Variants in DHRS7B observed in about 807,000 individuals in gnomAD.
DHRS7B encodes peroxisomal reductase activating PPAR-gamma.
Under a neutral mutation model 26.4 loss-of-function variants are expected in DHRS7B, and 24 were observed. The ratio of observed to expected loss-of-function variants is 0.91; its 90% CI spans 0.66 to 1.28. The LOEUF is 1.28. DHRS7B is among the 50% of genes most tolerant of loss of function. The pLI, the probability that DHRS7B is intolerant of heterozygous loss-of-function variation, is 0.00. For missense variants in DHRS7B, 368 were observed against 419.4 expected (o/e 0.88, Z 1.07); for synonymous variants, 142 against 166.4 (o/e 0.85, Z 1.13).
chr17:21,187,135 T>C (rs545453316), intron 5 of DHRS7B, among the ~76,000 whole-genome samples: 21 of 147,368 alleles, frequency 1.4e-4, no homozygotes, highest in African/African-American at 4.9e-4. Context: ...ATGTGTAAAA[T>C]CACATGAATA....
At chr17:21,148,181 C>T (rs977378542) in intron 1 of DHRS7B, among the ~76,000 whole-genome samples, 1 of 151,984 alleles carries the variant, frequency 6.6e-6, no homozygotes, top group African/African-American at 2.4e-5. Flanking sequence ...TCCCAAAACA[C>T]TGGGATTACA....
chr17:21,155,762 G>A (rs1973866158), intron 1 of DHRS7B, among the ~76,000 whole-genome samples: 1 of 152,178 alleles, frequency 6.6e-6, no homozygotes. Context: ...GAAATACATT[G>A]TCTGCTTCCA....
intron 1 of DHRS7B, among the ~76,000 whole-genome samples, chr17:21,163,382 T>C (rs1003082513): frequency 2.3e-4 from 35 of 152,116 alleles, no homozygotes; most frequent in Non-Finnish European, 2.9e-5. Flanking sequence ...GTGAATTGAG[T>C]TCCCTTTAAA....
Position 21,163,895 on chromosome 17 carries a change from C to T in DHRS7B, c.21-8123C>T, listed in dbSNP as rs143856043. Among the ~76,000 whole-genome samples, 351 of 152,108 alleles carry T rather than the reference C, an allele frequency of 2.3e-3. 1 individual carries two copies. The highest frequency in any genetic ancestry group is 0.014 in the Middle Eastern group (4 of 294). ...GTAGAGACGGGGTTTTACCATGTTG[C>T]CCAGGCCAGTCTCAAGCTCCTGAGC... is the stretch of plus-strand genomic sequence containing the variant. On this transcript the variant is annotated intron_variant, in intron 1 of 6. Coordinates refer to ENST00000395511, the MANE Select transcript of DHRS7B (RefSeq NM_015510.5).
chr17:21,131,833 A>T (rs1369996483), intron 1 of DHRS7B, among the ~76,000 whole-genome samples: 1 of 152,240 alleles, frequency 6.6e-6, no homozygotes, highest in Non-Finnish European at 1.5e-5. Context: ...TTTCCAGTTT[A>T]TATGAGCAGC....
At chr17:21,140,527 C>CAG (rs1973478995) in intron 1 of DHRS7B, among the ~76,000 whole-genome samples, 1 of 150,658 alleles carries the variant, frequency 6.6e-6, no homozygotes, top group African/African-American at 2.4e-5. Flanking sequence ...CACACACACA[C>CAG]ACACACACAC....
intron 1 of DHRS7B, among the ~76,000 whole-genome samples, chr17:21,159,582 G>A (rs552435326): frequency 5.9e-4 from 90 of 152,080 alleles, no homozygotes; most frequent in African/African-American, 2.0e-3. Flanking sequence ...CATTTTAAAG[G>A]ACTGTTATCA....
At chr17:21,132,279 T>C (rs1211701201) in intron 1 of DHRS7B, among the ~76,000 whole-genome samples, 2 of 150,910 alleles carry the variant, frequency 1.3e-5, no homozygotes, top group Non-Finnish European at 2.9e-5. Flanking sequence ...GGCAGGAGGA[T>C]TGCTTGAGCC....
At chr17:21,168,489 C>T (rs548346550) in intron 1 of DHRS7B, among the ~76,000 whole-genome samples, 3 of 152,246 alleles carry the variant, frequency 2.0e-5, no homozygotes, top group South Asian at 2.1e-4. Context: ...CCACCTCAGC[C>T]TCCCAAGAAG....
At chr17:21,140,479 T>TACAC (rs4020775) in intron 1 of DHRS7B, among the ~76,000 whole-genome samples, 10,165 of 83,534 alleles carry the variant, frequency 0.12, 842 homozygotes, top group East Asian at 0.14. Context: ...GCCTTTTAAA[T>TACAC]ACACACACAC....
chr17:21,183,483 C>T (rs1974558132), intron 3 of DHRS7B, 111 bp from the exon 4 acceptor site: 1 of 998,392 alleles, frequency 1.0e-6, no homozygotes, highest in Non-Finnish European at 1.5e-6. Flanking sequence ...TTTTCTAGTT[C>T]CTTAAAATAT....
intron 1 of DHRS7B, among the ~76,000 whole-genome samples, chr17:21,152,294 A>G (rs1202471083): frequency 6.6e-6 from 1 of 152,136 alleles, no homozygotes; most frequent in Non-Finnish European, 1.5e-5. Context: ...ACCTGAGACA[A>G]CAGGCACATG....
intron 1 of DHRS7B, among the ~76,000 whole-genome samples, chr17:21,167,564 G>A (rs1974142073): frequency 6.6e-6 from 1 of 152,162 alleles, no homozygotes; most frequent in Non-Finnish European, 1.5e-5. Context: ...TCTGCTTCCA[G>A]ATGCCGTGTG....
rs1261664011 is a variant in DHRS7B at position 21,183,639 on chromosome 17, T to C, written c.355T>C (p.Ser119Pro). ...PYLVTFDLTD[S>P]GAIVAAAAEI... ...CTTGGTGACCTTCGACCTCACAGAC[T>C]CTGGGGCCATAGTTGCAGCAGCAGC... The change falls in exon 4 of 7, where the codon TCT becomes CCT. Residue 119 changes from serine (S) to proline (P), a missense_variant. Ser to Pro is a moderately conservative substitution (Grantham distance 74). Transcript: ENST00000395511. 1 of 1,613,974 alleles carries C rather than the reference T, an allele frequency of 6.2e-7. No individual in the cohort carries two copies. The highest frequency in any genetic ancestry group is 1.7e-5 in the Admixed American group (1 of 60,024).
intron 1 of DHRS7B, chr17:21,166,462 G>GC (rs1247372890): frequency 3.0e-6 from 3 of 984,856 alleles, no homozygotes; most frequent in Non-Finnish European, 3.6e-6. Context: ...CAAGGTAGCT[G>GC]CCATCTGAGG....
In DHRS7B at chr17:21,182,098, A is replaced by G. The variant is rs1195976134; in HGVS notation, c.310-1496A>G. The stretch of plus-strand genomic sequence containing the variant: ...TAAACACCCTTTGCTGTGTTGAGGA[A>G]TTTCTGGTCTAGTCCTAGTTTATTG... On this transcript the variant is annotated intron_variant, in intron 3 of 6. Coordinates refer to ENST00000395511, the MANE Select transcript of DHRS7B (RefSeq NM_015510.5). 2.0e-5 allele frequency among the ~76,000 whole-genome samples: 3 copies of G among 152,132 alleles called. No individual in the cohort carries two copies. The East Asian group carries it at 5.8e-4, about 29-fold the overall frequency.
chr17:21,175,605 G>T (rs1974358875), intron 2 of DHRS7B, among the ~76,000 whole-genome samples: 1 of 152,330 alleles, frequency 6.6e-6, no homozygotes, highest in East Asian at 1.9e-4. Context: ...GAGCACTTAA[G>T]GGAGACTATG....
intron 1 of DHRS7B, among the ~76,000 whole-genome samples, chr17:21,132,344 A>T (rs1037633829): frequency 0.01 from 1,361 of 134,434 alleles, 11 homozygotes; most frequent in African/African-American, 0.023. Context: ...CTTAAAAAAA[A>T]AAAAATATAT....
intron 5 of DHRS7B, among the ~76,000 whole-genome samples, chr17:21,187,094 GAT>G (rs147554727): frequency 9.1e-5 from 13 of 143,126 alleles, no homozygotes; most frequent in East Asian, 4.0e-4. Context: ...TGTATTAAAA[GAT>G]ATATATATAT....
Sources: allele counts gnomAD v4.1 joint callset (sites outside exome capture counted in the v4.1 genomes callset), GRCh38; gene constraint gnomAD v4.1.1; transcripts MANE v1.5; gene names NCBI Gene and HGNC (gene_info 2026-07-23, HGNC 2026-07-21).